Variants in ZNF66 observed in about 807,000 individuals in gnomAD.
The protein encoded by ZNF66 is zinc finger protein 66.
Under a neutral mutation model 35.2 loss-of-function variants are expected in ZNF66, and 32 were observed. That is an observed-to-expected ratio of 0.91 (90% CI 0.69 to 1.22). The LOEUF is 1.22. Among genes scored for constraint, ZNF66 ranks in the 50% most tolerant of loss-of-function variants. The pLI is 0.00. For missense variants in ZNF66, 666 were observed against 543.1 expected (o/e 1.23, Z -2.25); for synonymous variants, 231 against 181.3 (o/e 1.27, Z -2.20).
chr19:20,804,420 T>A (rs1309808589), intron 3 of ZNF66, among the ~76,000 whole-genome samples: 1 of 152,056 alleles, frequency 6.6e-6, no homozygotes, highest in Non-Finnish European at 1.5e-5. Flanking sequence ...TTTTTTTATA[T>A]TTTTAGTAGA....
At chr19:20,780,765 T>C (rs2144890794) in intron 1 of ZNF66, among the ~76,000 whole-genome samples, 1 of 152,316 alleles carries the variant, frequency 6.6e-6, no homozygotes, top group East Asian at 1.9e-4. Flanking sequence ...ATACACAGGC[T>C]GTCACACTGC....
Position 20,807,828 on chromosome 19 carries a change from G to C in ZNF66, c.*506G>C, listed in dbSNP as rs1389136196. Among the ~76,000 whole-genome samples the C allele has an allele frequency of 2.0e-5, 3 of 152,132 alleles. No homozygotes were observed. The highest frequency in any genetic ancestry group is 7.2e-5 in the African/African-American group (3 of 41,442). ...TCTGCATTTCCGTCTGATGTACCAG[G>C]TTCATCTCACTAGGGAGTGCCAGAC... On this transcript the variant is annotated 3_prime_UTR_variant, in exon 4 of 4. Coordinates refer to ENST00000344519, the MANE Select transcript of ZNF66 (RefSeq NM_001355197.2).
In ZNF66 at chr19:20,807,083, ATTC is replaced by A. The variant is rs754338752; in HGVS notation, c.1486_1488del (p.Leu496del). 6.3e-6 allele frequency: 5 copies of A among 795,396 alleles called. No homozygotes were observed. Among genetic ancestry groups the A allele is most frequent in the Non-Finnish European group, 1.1e-5 (5 of 442,344 alleles). 49.3% of individuals were successfully genotyped at this position (795,396 alleles called of 1,614,324 possible). ...TGGCAAGGCCTTTAAGTGCTCCTCT[ATTC>A]TTACTACACATAAGAGAATTCATAC... is the stretch of plus-strand genomic sequence containing the variant. On this transcript the variant is annotated inframe_deletion, in exon 4 of 4. Coordinates refer to ENST00000344519, the MANE Select transcript of ZNF66 (RefSeq NM_001355197.2).
chr19:20,776,580 C>T, intron 1 of ZNF66, 130 bp downstream of exon 1: 1 of 1,267,844 alleles, frequency 7.9e-7, no homozygotes, highest in Non-Finnish European at 1.1e-6. Flanking sequence ...CCCATTCAGC[C>T]ATAAGATGGC....
chr19:20,798,826 A>G (rs61520244), intron 3 of ZNF66, among the ~76,000 whole-genome samples: 25,925 of 152,056 alleles, frequency 0.17, 2,532 homozygotes, highest in African/African-American at 0.26. Context: ...AATATTTTCA[A>G]TGTTCATCTT....
In ZNF66 at chr19:20,797,189, A is replaced by ATTTTTTTTTTT. The variant is rs142052913; in HGVS notation, c.226+3337_226+3347dup. ...ATAATGCATCAATGTTGCATGCTAG[A>ATTTTTTTTTTT]TTTTTTTTTTTTTTTTTTTTTTTTT... On this transcript the variant is annotated intron_variant, in intron 3 of 3. Coordinates refer to ENST00000344519, the MANE Select transcript of ZNF66 (RefSeq NM_001355197.2). Among the ~76,000 whole-genome samples the ATTTTTTTTTTT allele has an allele frequency of 5.3e-4, 24 of 45,480 alleles. 6 individuals carry two copies. The highest frequency in any genetic ancestry group is 7.4e-4 in the Non-Finnish European group (18 of 24,166). 29.8% of individuals were successfully genotyped at this position (45,480 alleles called of 152,430 possible).
At position 20,793,083 on chromosome 19, in the gene ZNF66, AAAG is replaced by A. The variant is rs201328507; in HGVS notation, c.130+448_130+450del. Among the ~76,000 whole-genome samples the A allele has an allele frequency of 5.0e-3, 756 of 151,708 alleles. 4 individuals are homozygous for A. The highest frequency in any genetic ancestry group is 0.017 in the African/African-American group (702 of 41,406). On this transcript the variant is annotated intron_variant, in intron 2 of 3. Transcript: ENST00000344519. ...TTCTGTCTCAAGGAAGAAAAAAAAA[AAAG>A]AAAGAAAAAAATTTCTTCAAGATAT... is the stretch of plus-strand genomic sequence containing the variant.
Position 20,808,698 on chromosome 19 carries a change from A to G in ZNF66, c.*1376A>G, listed in dbSNP as rs1291660105. The stretch of plus-strand genomic sequence containing the variant: ...ATCCACACCAAAAACCCATCTGTAC[A>G]TCACCATCATCAAAGACCAAAAGTA... On this transcript the variant is annotated 3_prime_UTR_variant, in exon 4 of 4. Coordinates refer to ENST00000344519, the MANE Select transcript of ZNF66 (RefSeq NM_001355197.2). Among the ~76,000 whole-genome samples the G allele has an allele frequency of 1.3e-5, 2 of 152,106 alleles. No homozygotes were observed. The highest frequency in any genetic ancestry group is 2.9e-5 in the Non-Finnish European group (2 of 68,004).
intron 3 of ZNF66, among the ~76,000 whole-genome samples, chr19:20,803,442 TGTG>T (rs763501439): frequency 2.6e-5 from 4 of 152,014 alleles, no homozygotes; most frequent in Non-Finnish European, 5.9e-5. Flanking sequence ...TATATTTAAA[TGTG>T]GTAAAAAATC....
chr19:20,784,162 A>G (rs1464223463), intron 1 of ZNF66, among the ~76,000 whole-genome samples: 1 of 152,194 alleles, frequency 6.6e-6, no homozygotes, highest in Non-Finnish European at 1.5e-5. Context: ...ATTTTCTACA[A>G]TATTATGAAT....
chr19:20,776,558 C>A, intron 1 of ZNF66, 108 bp downstream of exon 1: 1 of 1,377,506 alleles, frequency 7.3e-7, no homozygotes, highest in Non-Finnish European at 1.0e-6. Context: ...CCTTACCCAG[C>A]TCTGCCTCAG....
chr19:20,787,859 A>G (rs1971302177), intron 1 of ZNF66, among the ~76,000 whole-genome samples: 1 of 152,218 alleles, frequency 6.6e-6, no homozygotes, highest in African/African-American at 2.4e-5. Context: ...GAGTTCCACC[A>G]GGGCAGTTCC....
chr19:20,777,204 C>T (rs1268326007), intron 1 of ZNF66, among the ~76,000 whole-genome samples: 1 of 151,452 alleles, frequency 6.6e-6, no homozygotes, highest in African/African-American at 2.4e-5. Context: ...TTGTAGAGCA[C>T]CCAGCTATAG....
At position 20,806,235 on chromosome 19, in the gene ZNF66, G is replaced by T. The variant is rs544526730; in HGVS notation, c.635G>T (p.Arg212Leu). 8 of 1,420,822 alleles carry T rather than the reference G, an allele frequency of 5.6e-6. No homozygotes were observed. In the African/African-American group the frequency reaches 9.9e-5, roughly 18 times the overall value. The allele number at this position is 1,420,822 out of a possible 1,614,324, so 88.0% of individuals were successfully genotyped here. ...KCIECGKAFN[R>L]SSHLTTHKII... ...ATAGAATGTGGCAAAGCCTTCAACC[G>T]GTCCTCACACCTTACTACACATAAG... is the stretch of plus-strand genomic sequence containing the variant. Residue 212 changes from arginine (R) to leucine (L), a missense_variant, in exon 4 of 4, where the codon CGG becomes CTG. Coordinates refer to ENST00000344519, the MANE Select transcript of ZNF66 (RefSeq NM_001355197.2).
In ZNF66 at chr19:20,786,707, C is replaced by T. The variant is rs987511308; in HGVS notation, c.4-5805C>T. The stretch of plus-strand genomic sequence containing the variant: ...TGTATTAATCTCTTGAAACTGTTCC[C>T]TATTGGCACAAGTAGCTATAAATGA... On this transcript the variant is annotated intron_variant, in intron 1 of 3. Transcript: ENST00000344519. Among the ~76,000 whole-genome samples the T allele has an allele frequency of 6.6e-5, 10 of 152,292 alleles. 1 individual carries two copies. The South Asian group carries it at 2.1e-3, about 32-fold the overall frequency.
intron 1 of ZNF66, among the ~76,000 whole-genome samples, chr19:20,779,691 C>T (rs116995809): frequency 2.0e-5 from 3 of 150,788 alleles, no homozygotes; most frequent in Non-Finnish European, 4.4e-5. Context: ...TACTGGAAGG[C>T]TGAGGTGGGC....
chr19:20,801,890 A>G (rs115060403), intron 3 of ZNF66, among the ~76,000 whole-genome samples: 2,203 of 152,068 alleles, frequency 0.014, 97 homozygotes, highest in African/African-American at 0.048. Context: ...TGGCCATCCA[A>G]AGTCCTAAGA....
rs1214722996 is a variant in ZNF66, at chr19:20,809,824, A to G, written c.*2502A>G. On this transcript the variant is annotated 3_prime_UTR_variant, in exon 4 of 4. Transcript: ENST00000344519. The stretch of plus-strand genomic sequence containing the variant: ...CATAATGACAGCATCAAATTCTCAC[A>G]TAACAATATTAGCTTTAAATGTAAA... Among the ~76,000 whole-genome samples the G allele has an allele frequency of 2.6e-5, 4 of 152,188 alleles. No individual in the cohort carries two copies. Among genetic ancestry groups the G allele is most frequent in the Admixed American group, 2.0e-4 (3 of 15,274 alleles).
At chr19:20,780,302 C>T (rs1971234332) in intron 1 of ZNF66, among the ~76,000 whole-genome samples, 1 of 152,036 alleles carries the variant, frequency 6.6e-6, no homozygotes, top group Non-Finnish European at 1.5e-5. Flanking sequence ...AAACATTTTC[C>T]AGTATTATCT....
Sources: allele counts gnomAD v4.1 joint callset (sites outside exome capture counted in the v4.1 genomes callset), GRCh38; gene constraint gnomAD v4.1.1; transcripts MANE v1.5; gene names NCBI Gene and HGNC (gene_info 2026-07-23, HGNC 2026-07-21).